The following TAB1 variants were observed in gnomAD, a reference collection of about 807,000 sequenced individuals.
TAB1 encodes TGF-beta activated kinase 1 (MAP3K7) binding protein 1, also known as TGF-beta-activated kinase 1 and MAP3K7-binding protein 1.
In TAB1, 30 loss-of-function variants were observed where a neutral mutation model predicts 54.5. The ratio of observed to expected loss-of-function variants is 0.55; its 90% CI spans 0.41 to 0.75. The LOEUF (loss-of-function observed/expected upper bound fraction) is 0.75, where lower values mean the gene tolerates loss of function less well. TAB1 is among the 30% of genes least tolerant of loss of function. The pLI is 0.00. For synonymous variants in TAB1, 289 were observed against 286.9 expected (o/e 1.01, Z -0.07); for missense variants, 609 against 683.2 (o/e 0.89, Z 1.21).
intron 1 of TAB1, among the ~76,000 whole-genome samples, 190 bp downstream of exon 1, chr22:39,400,025 C>G (rs1028407414): frequency 6.6e-6 from 1 of 152,144 alleles, no homozygotes; most frequent in Non-Finnish European, 1.5e-5. Context: ...GCGGCGGGCC[C>G]GGCCCCCGGG....
At chr22:39,433,133 A>G (rs969951734), downstream of TAB1, 1 of 983,968 alleles carries the variant, frequency 1.0e-6, no homozygotes, top group Non-Finnish European at 1.2e-6. Context: ...CCCATCCCCC[A>G]CCTCCTGCCC....
chr22:39,413,935 A>T (rs756481410), intron 1 of TAB1, among the ~76,000 whole-genome samples: 17 of 152,150 alleles, frequency 1.1e-4, no homozygotes, highest in Non-Finnish European at 1.8e-4. Context: ...AAAAGTACAG[A>T]TGCTCAGGAT....
intron 1 of TAB1, among the ~76,000 whole-genome samples, chr22:39,406,397 CAAA>C (rs11290078): frequency 0.013 from 957 of 73,792 alleles, 13 homozygotes; most frequent in East Asian, 0.061. Context: ...AGACTGTCAC[CAAA>C]AAAAAAAAAA....
At chr22:39,410,359 C>T (rs1468580381) in intron 1 of TAB1, among the ~76,000 whole-genome samples, 1 of 152,218 alleles carries the variant, frequency 6.6e-6, no homozygotes, top group Admixed American at 6.5e-5. Flanking sequence ...CCACCTGCCT[C>T]AGCCTCCCCA....
chr22:39,433,746 C>G (rs540593603), downstream of TAB1: 7 of 985,334 alleles, frequency 7.1e-6, no homozygotes, highest in Non-Finnish European at 7.2e-6. Context: ...CCGGGCCTGT[C>G]TGGAGCGACT....
At chr22:39,404,877 C>G (rs2145654541) in intron 1 of TAB1, among the ~76,000 whole-genome samples, 1 of 152,134 alleles carries the variant, frequency 6.6e-6, no homozygotes, top group South Asian at 2.1e-4. Flanking sequence ...AAGTGGGGGC[C>G]AGGAGTGGAG....
At chr22:39,428,585 C>G (rs979184500) in intron 10 of TAB1, among the ~76,000 whole-genome samples, 1 of 152,126 alleles carries the variant, frequency 6.6e-6, no homozygotes. Flanking sequence ...AGTGAGTTCT[C>G]TGGTTTTGGG....
chr22:39,420,926 GTT>G lies in TAB1; in HGVS notation c.777-899_777-898del, dbSNP rs71197181. The stretch of plus-strand genomic sequence containing the variant: ...TGTGTGTGTGTGTGTGTGTGTGTGT[GTT>G]TGTCCTGGGGGCCAAGGAGCCTGCA... On this transcript the variant is annotated intron_variant, in intron 7 of 10. Coordinates refer to ENST00000216160, the MANE Select transcript of TAB1 (RefSeq NM_006116.3). Among the ~76,000 whole-genome samples the G allele has an allele frequency of 5.9e-4, 84 of 141,526 alleles. 4 individuals are homozygous for G. Among genetic ancestry groups the G allele is most frequent in the Non-Finnish European group, 1.1e-3 (71 of 63,448 alleles). 92.8% of individuals were successfully genotyped at this position (141,526 alleles called of 152,430 possible).
intron 9 of TAB1, 59 bp downstream of exon 9, chr22:39,426,984 G>A: frequency 6.5e-7 from 1 of 1,549,220 alleles, no homozygotes; most frequent in Non-Finnish European, 8.8e-7. Flanking sequence ...CCAGAGGTGG[G>A]TGCAGAGCCC....
At chr22:39,412,858 A>G (rs1372880869) in intron 1 of TAB1, among the ~76,000 whole-genome samples, 2 of 146,672 alleles carry the variant, frequency 1.4e-5, no homozygotes, top group African/African-American at 2.5e-5. Flanking sequence ...TAGAAATGCT[A>G]CTGATTTTTG....
Position 39,415,372 on chromosome 22 carries a change from G to A in TAB1, c.171-128G>A. ...CAGAGTGAAATGATGGCTAAAGCAG[G>A]GGGACCCAGGAGGGCCCCTGAAGCT... On this transcript the variant is annotated intron_variant, in intron 2 of 10. Transcript: ENST00000216160. This position sits in a 1 kb window ranked among gnomAD's most constrained non-coding sequence, Gnocchi z 4.9. 8.3e-7 allele frequency: 1 copy of A among 1,205,006 alleles called. No individual in the cohort carries two copies. Among genetic ancestry groups the A allele is most frequent in the South Asian group, 1.4e-5 (1 of 70,040 alleles). The allele number at this position is 1,205,006 out of a possible 1,614,324, so 74.6% of individuals were successfully genotyped here. A position where few individuals can be genotyped will look rare whatever the true frequency, so the allele number is the denominator to read the frequency against.
At chr22:39,408,070 A>G (rs1014413589) in intron 1 of TAB1, among the ~76,000 whole-genome samples, 2 of 152,218 alleles carry the variant, frequency 1.3e-5, no homozygotes, top group African/African-American at 4.8e-5. Context: ...CCTTAGATAA[A>G]CAATAGCACT....
intron 4 of TAB1, 135 bp downstream of exon 4, chr22:39,417,012 G>T: frequency 1.3e-6 from 1 of 797,472 alleles, no homozygotes. Flanking sequence ...GGGTGACACT[G>T]GTGTGTGGCC....
At chr22:39,436,486 T>G (rs1432117798), downstream of TAB1, 4 of 1,612,884 alleles carry the variant, frequency 2.5e-6, no homozygotes, top group African/African-American at 5.3e-5. Flanking sequence ...CTCCTGATTT[T>G]CAGAGACCCT....
At chr22:39,428,349 G>A (rs1927438074) in intron 10 of TAB1, among the ~76,000 whole-genome samples, 166 bp downstream of exon 10, 1 of 152,236 alleles carries the variant, frequency 6.6e-6, no homozygotes, top group African/African-American at 2.4e-5. Flanking sequence ...TAGAAACTGA[G>A]GCAGGTGCGA....
chr22:39,410,715 G>C (rs1282073181), intron 1 of TAB1, among the ~76,000 whole-genome samples: 1 of 152,108 alleles, frequency 6.6e-6, no homozygotes, highest in Non-Finnish European at 1.5e-5. Flanking sequence ...ACATAAATAA[G>C]TGTAGAGACA....
Position 39,430,246 on chromosome 22 carries a change from G to C in TAB1, c.*24G>C. 2 of 1,607,730 alleles carry C rather than the reference G, an allele frequency of 1.2e-6. No individual in the cohort carries two copies. The highest frequency in any genetic ancestry group is 1.7e-6 in the Non-Finnish European group (2 of 1,179,850). ...AGGGCAGCCGGAGAATGCAGCCCAA[G>C]CAGGGCCTGGCATGGGGCAGGACAG... On this transcript the variant is annotated 3_prime_UTR_variant, in exon 11 of 11. Coordinates refer to ENST00000216160, the MANE Select transcript of TAB1 (RefSeq NM_006116.3).
chr22:39,430,621 C>T lies in TAB1; in HGVS notation c.*399C>T. ...AGACCCTGCTGTCCCAAGCCCACCC[C>T]TCCTCCCACCATCACCTCCCTCACC... On this transcript the variant is annotated 3_prime_UTR_variant, in exon 11 of 11. Coordinates refer to ENST00000216160, the MANE Select transcript of TAB1 (RefSeq NM_006116.3). 9.1e-7 allele frequency: 1 copy of T among 1,097,376 alleles called. No homozygotes were observed. The highest frequency in any genetic ancestry group is 1.1e-6 in the Non-Finnish European group (1 of 893,328). 68.0% of individuals were successfully genotyped at this position (1,097,376 alleles called of 1,614,324 possible).
intron 1 of TAB1, among the ~76,000 whole-genome samples, chr22:39,408,947 T>TA (rs1261783681): frequency 6.6e-6 from 1 of 152,226 alleles, no homozygotes; most frequent in African/African-American, 2.4e-5. Flanking sequence ...GGGAATTAGA[T>TA]ACTGGCAGAG....
Sources: allele counts gnomAD v4.1 joint callset (sites outside exome capture counted in the v4.1 genomes callset), GRCh38; gene constraint gnomAD v4.1.1; non-coding constraint Gnocchi (gnomAD v3.1); transcripts MANE v1.5; gene names NCBI Gene and HGNC (gene_info 2026-07-23, HGNC 2026-07-21).